The following PDE7B variants were observed in gnomAD, a reference collection of about 807,000 sequenced individuals.
PDE7B encodes phosphodiesterase 7B, also known as 3',5'-cyclic-AMP phosphodiesterase 7B.
Under a neutral mutation model 56.2 loss-of-function variants are expected in PDE7B, and 29 were observed. The observed-to-expected ratio is 0.52, with a 90% CI of 0.38 to 0.70. The LOEUF (loss-of-function observed/expected upper bound fraction) is 0.70. Among genes scored for constraint, PDE7B ranks in the 30% least tolerant of loss-of-function variants. PDE7B has a pLI of 0.00. For missense variants in PDE7B, 490 were observed against 565.0 expected (o/e 0.87, Z 1.35); for synonymous variants, 197 against 196.9 (o/e 1.00, Z 0.00).
chr6:135,969,248 T>C (rs1775051306), intron 2 of PDE7B, among the ~76,000 whole-genome samples: 1 of 152,148 alleles, frequency 6.6e-6, no homozygotes, highest in Non-Finnish European at 1.5e-5. Context: ...CAAACCACCA[T>C]GGTACACGTT....
intron 2 of PDE7B, among the ~76,000 whole-genome samples, chr6:135,973,521 C>G (rs1048879726): frequency 3.9e-5 from 6 of 152,108 alleles, no homozygotes; most frequent in African/African-American, 1.4e-4. Context: ...TATTATAGTT[C>G]TATTTTTAAT....
intron 2 of PDE7B, among the ~76,000 whole-genome samples, chr6:136,048,422 G>A (rs562568639): frequency 1.3e-5 from 2 of 152,250 alleles, no homozygotes; most frequent in South Asian, 4.2e-4. Context: ...TCGGGAGGCT[G>A]AGGCAGGAGA....
intron 2 of PDE7B, among the ~76,000 whole-genome samples, chr6:136,001,968 C>A (rs1049199461): frequency 1.3e-5 from 2 of 152,066 alleles, no homozygotes; most frequent in Non-Finnish European, 2.9e-5. Context: ...GGGTTACCCA[C>A]AAAGGGAAGC....
intron 1 of PDE7B, among the ~76,000 whole-genome samples, chr6:135,865,656 T>TGGAGAGAGAGAGAGAGAGACAG (rs1775243252): frequency 6.8e-6 from 1 of 146,426 alleles, no homozygotes; most frequent in Non-Finnish European, 1.5e-5. Flanking sequence ...TGTGTATGTG[T>TGGAGAGAGAGAGAGAGAGACAG]GGAGAGAGAG....
intron 2 of PDE7B, among the ~76,000 whole-genome samples, chr6:136,071,708 G>A (rs1433570438): frequency 6.6e-5 from 10 of 152,136 alleles, no homozygotes; most frequent in Non-Finnish European, 1.0e-4. Flanking sequence ...TGGGAGGATC[G>A]CTTGAGGCCA....
intron 1 of PDE7B, among the ~76,000 whole-genome samples, chr6:135,876,397 G>A (rs1775493611): frequency 6.6e-6 from 1 of 152,100 alleles, no homozygotes; most frequent in South Asian, 2.1e-4. Flanking sequence ...TCACTAAAGT[G>A]TCTAGATTTA....
chr6:136,080,719 A>C (rs1353693496), intron 2 of PDE7B, among the ~76,000 whole-genome samples: 1 of 152,198 alleles, frequency 6.6e-6, no homozygotes, highest in South Asian at 2.1e-4. Context: ...TTATTTGCTC[A>C]ATAAACATTA....
Position 136,048,109 on chromosome 6 carries a change from C to CAGACAGAT in PDE7B, c.83-60619_83-60618insCAGATAGA, listed in dbSNP as rs747314841. Among the ~76,000 whole-genome samples, 121 of 132,080 alleles carry CAGACAGAT rather than the reference C, an allele frequency of 9.2e-4. 1 individual carries two copies. Among genetic ancestry groups the CAGACAGAT allele is most frequent in the African/African-American group, 3.0e-3 (116 of 38,166 alleles). 86.6% of individuals were successfully genotyped at this position (132,080 alleles called of 152,430 possible). A position where few individuals can be genotyped will look rare whatever the true frequency, so the allele number is the denominator to read the frequency against. The stretch of plus-strand genomic sequence containing the variant: ...ATAGATAGACAGACAGACAGACAGA[C>CAGACAGAT]AGATAGATAGATGTGATATATAATA... On this transcript the variant is annotated intron_variant, in intron 2 of 12. Coordinates refer to ENST00000308191, the MANE Select transcript of PDE7B (RefSeq NM_018945.4).
intron 3 of PDE7B, among the ~76,000 whole-genome samples, chr6:136,129,456 G>A (rs922078896): frequency 1.3e-5 from 2 of 152,172 alleles, no homozygotes; most frequent in South Asian, 4.1e-4. Flanking sequence ...GCAGCTGGAA[G>A]TCCCAGGAGA....
chr6:136,126,891 G>A (rs1429718169), intron 3 of PDE7B, among the ~76,000 whole-genome samples: 2 of 152,042 alleles, frequency 1.3e-5, no homozygotes, highest in East Asian at 3.9e-4. Context: ...CTCCCAAATC[G>A]CCACTAAAGA....
chr6:136,154,241 A>C, intron 7 of PDE7B, 66 bp downstream of exon 7: 1 of 892,750 alleles, frequency 1.1e-6, no homozygotes, highest in Non-Finnish European at 1.9e-6. Flanking sequence ...TGCTAGGCCC[A>C]AGTTACCCAA....
At chr6:136,002,447 A>G (rs1370942455) in intron 2 of PDE7B, among the ~76,000 whole-genome samples, 1 of 152,226 alleles carries the variant, frequency 6.6e-6, no homozygotes, top group East Asian at 1.9e-4. Context: ...TGCTGTATTC[A>G]GGAAACCCAT....
chr6:135,927,891 C>T (rs1263991391), intron 1 of PDE7B, among the ~76,000 whole-genome samples: 1 of 151,928 alleles, frequency 6.6e-6, no homozygotes, highest in Admixed American at 6.6e-5. Flanking sequence ...AATTATGCAC[C>T]CAACAAAGGT....
chr6:135,966,970 T>A (rs1488293610), intron 2 of PDE7B, among the ~76,000 whole-genome samples: 1 of 152,142 alleles, frequency 6.6e-6, no homozygotes, highest in Non-Finnish European at 1.5e-5. Context: ...TTTTCTAGCA[T>A]TATACAGTCA....
intron 2 of PDE7B, among the ~76,000 whole-genome samples, chr6:136,085,350 C>T (rs1432333451): frequency 1.3e-5 from 2 of 152,204 alleles, no homozygotes; most frequent in Non-Finnish European, 2.9e-5. Flanking sequence ...TTGCTAGAAA[C>T]TTCACATAGA....
At chr6:135,867,924 G>A (rs558005669) in intron 1 of PDE7B, among the ~76,000 whole-genome samples, 1 of 152,042 alleles carries the variant, frequency 6.6e-6, no homozygotes, top group South Asian at 2.1e-4. Flanking sequence ...CTTTAATACA[G>A]CAAACATTTA....
chr6:136,080,935 G>A (rs145435854), intron 2 of PDE7B, among the ~76,000 whole-genome samples: 149 of 152,326 alleles, frequency 9.8e-4, no homozygotes, highest in African/African-American at 3.4e-3. Context: ...TCCTTCAGGA[G>A]AAGATACTTG....
intron 1 of PDE7B, among the ~76,000 whole-genome samples, chr6:135,938,997 T>C (rs1418535431): frequency 6.6e-6 from 1 of 152,246 alleles, no homozygotes; most frequent in Non-Finnish European, 1.5e-5. Context: ...AGAGACTCTC[T>C]GGAGACCGCT....
chr6:135,877,756 A>C lies in PDE7B; in HGVS notation c.21+25737A>C, dbSNP rs368778958. ...CTCCAGGAAAACAAAACAAAACAAA[A>C]AAAAAAAAAAAGGGAGGGGCAGGGA... On this transcript the variant is annotated intron_variant, in intron 1 of 12. Transcript: ENST00000308191. 7.0e-3 allele frequency among the ~76,000 whole-genome samples: 1,004 copies of C among 143,856 alleles called. 9 individuals are homozygous for C. Among genetic ancestry groups the C allele is most frequent in the African/African-American group, 0.027 (930 of 34,808 alleles). The allele number at this position is 143,856 out of a possible 152,430, so 94.4% of individuals were successfully genotyped here.
Sources: allele counts gnomAD v4.1 joint callset (sites outside exome capture counted in the v4.1 genomes callset), GRCh38; gene constraint gnomAD v4.1.1; transcripts MANE v1.5; gene names NCBI Gene and HGNC (gene_info 2026-07-23, HGNC 2026-07-21).